The following CDKAL1 variants were observed in gnomAD, a reference collection of about 807,000 sequenced individuals.
The protein encoded by CDKAL1 is threonylcarbamoyladenosine tRNA methylthiotransferase.
In CDKAL1, 32 loss-of-function variants were observed where a neutral mutation model predicts 68.2. That is an observed-to-expected ratio of 0.47 (90% CI 0.35 to 0.63). The LOEUF (loss-of-function observed/expected upper bound fraction) is 0.63. Among genes scored for constraint, CDKAL1 ranks in the 30% least tolerant of loss-of-function variants. The probability of loss-of-function intolerance (pLI) is 0.00; values close to 1 mark genes in which losing one functional copy is unlikely to be tolerated. For missense variants in CDKAL1, 606 were observed against 696.7 expected (o/e 0.87, Z 1.47); for synonymous variants, 234 against 244.3 (o/e 0.96, Z 0.39).
chr6:20,672,296 CT>C (rs1769879249), intron 5 of CDKAL1, among the ~76,000 whole-genome samples: 1 of 114,740 alleles, frequency 8.7e-6, no homozygotes, highest in African/African-American at 6.4e-5. Flanking sequence ...CTCTCTCTCT[CT>C]CCCTCTCCCT....
rs1182081742 is a variant in CDKAL1, at chr6:21,201,226, C to G, written c.1500C>G (p.Pro500=). ...TATCTGATGCCAAAGTGTACACGCC[C>G]TCCATCAGCAAACCGCTAGCAAAGG... is the stretch of plus-strand genomic sequence containing the variant. ...QPVSDAKVYT[P]SISKPLAKGE... Residue 500 remains proline (P), a synonymous_variant, in exon 15 of 16, where the codon CCC becomes CCG. Coordinates refer to ENST00000274695, the MANE Select transcript of CDKAL1 (RefSeq NM_017774.3). 1.2e-6 allele frequency: 2 copies of G among 1,612,438 alleles called. No individual in the cohort carries two copies. Among genetic ancestry groups the G allele is most frequent in the African/African-American group, 1.3e-5 (1 of 74,868 alleles).
intron 4 of CDKAL1, among the ~76,000 whole-genome samples, chr6:20,637,485 C>T (rs566098284): frequency 1.6e-4 from 25 of 152,194 alleles, no homozygotes; most frequent in Admixed American, 4.6e-4. Context: ...ATCGCTTGAA[C>T]CTGGGAGGCA....
chr6:20,795,835 T>C (rs1287602535), intron 8 of CDKAL1, among the ~76,000 whole-genome samples: 1 of 152,190 alleles, frequency 6.6e-6, no homozygotes, highest in Non-Finnish European at 1.5e-5. Flanking sequence ...TTGGGTGAAC[T>C]TCTATGTAAG....
chr6:20,711,632 A>G (rs1453948589), intron 5 of CDKAL1, among the ~76,000 whole-genome samples: 2 of 152,226 alleles, frequency 1.3e-5, no homozygotes, highest in East Asian at 1.9e-4. Flanking sequence ...AGCATGAATC[A>G]TAAGTGTGTT....
At chr6:20,837,667 C>G (rs975353057) in intron 8 of CDKAL1, among the ~76,000 whole-genome samples, 1 of 151,962 alleles carries the variant, frequency 6.6e-6, no homozygotes, top group African/African-American at 2.4e-5. Flanking sequence ...CTTAGTTTAA[C>G]AGCAGACGAG....
intron 8 of CDKAL1, among the ~76,000 whole-genome samples, chr6:20,804,690 C>T (rs1266216747): frequency 6.6e-6 from 1 of 152,072 alleles, no homozygotes; most frequent in African/African-American, 2.4e-5. Flanking sequence ...TGATGTTGTA[C>T]AGGAAAGAGT....
intron 5 of CDKAL1, among the ~76,000 whole-genome samples, chr6:20,714,195 A>AAAAATTCTC (rs1465850996): frequency 6.6e-6 from 1 of 151,890 alleles, no homozygotes; most frequent in African/African-American, 2.4e-5. Flanking sequence ...CTATGATACA[A>AAAAATTCTC]AAAATTCTCA....
chr6:20,875,142 A>G lies in CDKAL1; in HGVS notation c.742+28964A>G, dbSNP rs534133059. Reference sequence around the variant, plus strand: ...GTGAAACCCCGTCTCTACTAAAAATACAAAAAATTAGCCGGGCGCGGTGGC... The same window carrying G: ...GTGAAACCCCGTCTCTACTAAAAATGCAAAAAATTAGCCGGGCGCGGTGGC... On this transcript the variant is annotated intron_variant, in intron 9 of 15. Coordinates refer to ENST00000274695, the MANE Select transcript of CDKAL1 (RefSeq NM_017774.3). 4.1e-3 allele frequency among the ~76,000 whole-genome samples: 619 copies of G among 151,724 alleles called. 5 individuals are homozygous for G. The highest frequency in any genetic ancestry group is 0.014 in the African/African-American group (592 of 41,416).
chr6:21,206,925 A>ATTTT (rs66590198), intron 15 of CDKAL1, among the ~76,000 whole-genome samples: 2 of 137,222 alleles, frequency 1.5e-5, no homozygotes. Context: ...TTTTACTTTA[A>ATTTT]TTTCTTTTTT....
chr6:21,048,417 G>A (rs1267946857), intron 11 of CDKAL1, among the ~76,000 whole-genome samples: 1 of 151,802 alleles, frequency 6.6e-6, no homozygotes, highest in African/African-American at 2.4e-5. Flanking sequence ...TATAAATCTG[G>A]GTTTTGATTT....
intron 10 of CDKAL1, among the ~76,000 whole-genome samples, chr6:20,970,742 A>G (rs1280161495): frequency 6.6e-6 from 1 of 152,246 alleles, no homozygotes; most frequent in Non-Finnish European, 1.5e-5. Context: ...ACTAAAATGT[A>G]TACTTCTTTA....
chr6:21,006,786 T>C (rs1241286677), intron 11 of CDKAL1, among the ~76,000 whole-genome samples: 1 of 152,258 alleles, frequency 6.6e-6, no homozygotes, highest in South Asian at 2.1e-4. Context: ...TTACTTTATG[T>C]TGACTTGCTT....
chr6:20,982,693 G>T (rs536255802), intron 10 of CDKAL1, among the ~76,000 whole-genome samples: 35 of 151,086 alleles, frequency 2.3e-4, no homozygotes, highest in African/African-American at 8.2e-4. Flanking sequence ...GACTTCTTCT[G>T]TTAACATTGG....
At chr6:20,557,050 A>AAAAT (rs70990047) in intron 4 of CDKAL1, among the ~76,000 whole-genome samples, 10 of 88,964 alleles carry the variant, frequency 1.1e-4, no homozygotes, top group South Asian at 3.4e-4. Flanking sequence ...TCAAAAAAAA[A>AAAAT]AAATAAATAA....
intron 10 of CDKAL1, among the ~76,000 whole-genome samples, chr6:20,977,785 G>A (rs1765913120): frequency 6.6e-6 from 1 of 152,156 alleles, no homozygotes; most frequent in South Asian, 2.1e-4. Context: ...GACTGAGGCA[G>A]GAAGATCACT....
chr6:21,179,581 T>C (rs909684551), intron 13 of CDKAL1, among the ~76,000 whole-genome samples: 2 of 152,234 alleles, frequency 1.3e-5, no homozygotes, highest in Admixed American at 6.5e-5. Flanking sequence ...TTATTCATTA[T>C]ATATTTGTAC....
chr6:21,025,749 T>G (rs181666429), intron 11 of CDKAL1, among the ~76,000 whole-genome samples: 75 of 152,288 alleles, frequency 4.9e-4, no homozygotes, highest in African/African-American at 1.8e-3. Flanking sequence ...GTAAAGAAGT[T>G]TATCAAGAGA....
At chr6:21,035,136 T>G (rs1769505861) in intron 11 of CDKAL1, among the ~76,000 whole-genome samples, 1 of 152,156 alleles carries the variant, frequency 6.6e-6, no homozygotes, top group Non-Finnish European at 1.5e-5. Context: ...AGGTTCAATA[T>G]AGATTTTATT....
intron 4 of CDKAL1, among the ~76,000 whole-genome samples, chr6:20,613,073 TAC>T (rs1201670153): frequency 2.0e-5 from 3 of 148,774 alleles, no homozygotes; most frequent in East Asian, 2.0e-4. Context: ...AGAATAAATG[TAC>T]ACACACACAC....
Sources: gnomAD v4.1 joint callset for allele counts (sites outside exome capture counted in the v4.1 genomes callset) on GRCh38, gnomAD v4.1.1 for gene constraint, MANE v1.5 for transcripts, NCBI Gene and HGNC (gene_info 2026-07-23, HGNC 2026-07-21) for gene names.